The following MACROD2 variants were observed in gnomAD, a reference collection of about 807,000 sequenced individuals.
The protein encoded by MACROD2 is ADP-ribose glycohydrolase MACROD2.
Under a neutral mutation model 70.4 loss-of-function variants are expected in MACROD2, and 36 were observed. That is an observed-to-expected ratio of 0.51 (90% CI 0.39 to 0.68). The LOEUF (loss-of-function observed/expected upper bound fraction) is 0.68, where lower values mean the gene tolerates loss of function less well. Among genes scored for constraint, MACROD2 ranks in the 30% least tolerant of loss-of-function variants. The pLI is 0.00. For synonymous variants in MACROD2, 172 were observed against 178.8 expected, an observed-to-expected ratio of 0.96 and a Z score of 0.30; for missense variants, 496 against 538.4, an observed-to-expected ratio of 0.92 and a Z score of 0.78.
chr20:15,546,423 T>C (rs1458161261), intron 8 of MACROD2, among the ~76,000 whole-genome samples: 1 of 152,176 alleles, frequency 6.6e-6, no homozygotes, highest in African/African-American at 2.4e-5. Context: ...CAGAGCTCCA[T>C]AGCTATTAAG....
At chr20:14,995,113 G>C (rs1231941817) in intron 5 of MACROD2, among the ~76,000 whole-genome samples, 4 of 151,744 alleles carry the variant, frequency 2.6e-5, no homozygotes, top group African/African-American at 9.7e-5. Flanking sequence ...TATATATATG[G>C]CCTTTTAGTA....
chr20:14,585,454 A>C (rs1450115652), intron 4 of MACROD2, among the ~76,000 whole-genome samples: 1 of 152,136 alleles, frequency 6.6e-6, no homozygotes, highest in Non-Finnish European at 1.5e-5. Context: ...CATAAGAGGA[A>C]TATTCAGGTG....
intron 5 of MACROD2, among the ~76,000 whole-genome samples, chr20:15,056,424 G>T (rs982677552): frequency 6.6e-6 from 1 of 152,074 alleles, no homozygotes; most frequent in Non-Finnish European, 1.5e-5. Context: ...TGAGTTTTTT[G>T]ACTAAATGCT....
intron 5 of MACROD2, among the ~76,000 whole-genome samples, chr20:15,199,663 T>A (rs1378173404): frequency 6.6e-6 from 1 of 152,198 alleles, no homozygotes; most frequent in Non-Finnish European, 1.5e-5. Flanking sequence ...CATGAGCTTT[T>A]TATGGATTAA....
At chr20:15,520,984 A>G (rs1199133560) in intron 8 of MACROD2, among the ~76,000 whole-genome samples, 1 of 152,232 alleles carries the variant, frequency 6.6e-6, no homozygotes, top group African/African-American at 2.4e-5. Context: ...CATCAGATAC[A>G]TTTAATGGCA....
chr20:15,724,942 T>C (rs1201560825), intron 8 of MACROD2, among the ~76,000 whole-genome samples: 1 of 151,562 alleles, frequency 6.6e-6, no homozygotes, highest in Admixed American at 6.6e-5. Context: ...ATTAGCCGGG[T>C]ATGGTGGCAG....
Position 14,190,717 on chromosome 20 carries a change from T to A in MACROD2, c.271+104989T>A, listed in dbSNP as rs1289347735. On this transcript the variant is annotated intron_variant, in intron 3 of 17. Transcript: ENST00000684519. ...ATATATATTTTTTTTTTTTTTTTTT[T>A]TTTTTTTTTTTCCAGAGTCTTGTTC... 1.2e-3 allele frequency among the ~76,000 whole-genome samples: 140 copies of A among 112,584 alleles called. 1 individual carries two copies. The highest frequency in any genetic ancestry group is 4.9e-3 in the African/African-American group (134 of 27,618). 73.9% of individuals were successfully genotyped at this position (112,584 alleles called of 152,430 possible).
intron 8 of MACROD2, among the ~76,000 whole-genome samples, chr20:15,638,170 T>C (rs184672183): frequency 6.6e-6 from 1 of 152,206 alleles, no homozygotes; most frequent in East Asian, 1.9e-4. Context: ...GAAGAAACCC[T>C]CAGTATTAGG....
At chr20:15,175,940 C>T (rs1294096592) in intron 5 of MACROD2, among the ~76,000 whole-genome samples, 1 of 152,212 alleles carries the variant, frequency 6.6e-6, no homozygotes, top group Non-Finnish European at 1.5e-5. Flanking sequence ...GGAATCTCTG[C>T]ACTCTCGGAG....
chr20:15,024,129 C>T (rs1433167899), intron 5 of MACROD2, among the ~76,000 whole-genome samples: 1 of 152,138 alleles, frequency 6.6e-6, no homozygotes, highest in Non-Finnish European at 1.5e-5. Flanking sequence ...AGATTTATCT[C>T]TCCCACCCTA....
At chr20:14,813,511 T>C (rs901002751) in intron 5 of MACROD2, among the ~76,000 whole-genome samples, 1 of 152,128 alleles carries the variant, frequency 6.6e-6, no homozygotes, top group African/African-American at 2.4e-5. Context: ...GATTCATCCA[T>C]GTCCCTGCAA....
chr20:15,381,691 A>T (rs2045646542), intron 6 of MACROD2, among the ~76,000 whole-genome samples: 1 of 151,982 alleles, frequency 6.6e-6, no homozygotes, highest in Non-Finnish European at 1.5e-5. Context: ...AAAAAATCTA[A>T]AAGGTGACAG....
intron 8 of MACROD2, among the ~76,000 whole-genome samples, chr20:15,784,525 C>T (rs1335829109): frequency 1.3e-5 from 2 of 152,116 alleles, no homozygotes; most frequent in Non-Finnish European, 2.9e-5. Flanking sequence ...AAGGGCTGCA[C>T]AAGAGCTTTA....
chr20:14,350,984 A>C (rs537555052), intron 3 of MACROD2, among the ~76,000 whole-genome samples: 160 of 152,334 alleles, frequency 1.1e-3, no homozygotes, highest in African/African-American at 3.6e-3. Flanking sequence ...CAGTTTTCCC[A>C]GGACAAATTA....
chr20:15,871,832 A>T (rs1407106937), intron 9 of MACROD2, among the ~76,000 whole-genome samples: 2 of 152,182 alleles, frequency 1.3e-5, no homozygotes, highest in Non-Finnish European at 2.9e-5. Flanking sequence ...TCAATGTATT[A>T]TGCAATTGAG....
chr20:14,346,353 T>C (rs2122679803), intron 3 of MACROD2, among the ~76,000 whole-genome samples: 1 of 152,264 alleles, frequency 6.6e-6, no homozygotes. Flanking sequence ...GTGGCTCACA[T>C]TCTATCAATT....
intron 6 of MACROD2, among the ~76,000 whole-genome samples, chr20:15,256,971 C>A (rs117813844): frequency 3.9e-5 from 6 of 151,916 alleles, no homozygotes; most frequent in African/African-American, 1.5e-4. Flanking sequence ...AACTTAAACA[C>A]ACTAAAAAGT....
chr20:14,635,317 A>G (rs985649163), intron 4 of MACROD2, among the ~76,000 whole-genome samples: 7 of 152,170 alleles, frequency 4.6e-5, no homozygotes, highest in Non-Finnish European at 1.0e-4. Context: ...GGTTTGGGCT[A>G]GAGGTTCCTT....
At chr20:15,569,441 CTGT>C (rs1359709821) in intron 8 of MACROD2, among the ~76,000 whole-genome samples, 1 of 152,078 alleles carries the variant, frequency 6.6e-6, no homozygotes, top group African/African-American at 2.4e-5. Context: ...AGAATACAAT[CTGT>C]TGTTATTAAC....
Sources: gnomAD v4.1 joint callset for allele counts (sites outside exome capture counted in the v4.1 genomes callset) on GRCh38, gnomAD v4.1.1 for gene constraint, MANE v1.5 for transcripts, NCBI Gene and HGNC (gene_info 2026-07-23, HGNC 2026-07-21) for gene names.